CARMIL1: variants seen among roughly 807,000 people sequenced by gnomAD.
CARMIL1 encodes F-actin-uncapping protein LRRC16A.
CARMIL1 carries 90 observed loss-of-function variants against 177.1 expected under a neutral mutation model. The ratio of observed to expected loss-of-function variants is 0.51; its 90% CI spans 0.43 to 0.61. The LOEUF is 0.61. Among genes scored for constraint, CARMIL1 ranks in the 20% least tolerant of loss-of-function variants. CARMIL1 has a pLI of 0.00. For missense variants in CARMIL1, 1,380 were observed against 1,667.0 expected (o/e 0.83, Z 3.00); for synonymous variants, 577 against 606.2 (o/e 0.95, Z 0.71).
intron 2 of CARMIL1, among the ~76,000 whole-genome samples, chr6:25,296,109 G>A (rs1256723088): frequency 6.6e-6 from 1 of 152,194 alleles, no homozygotes; most frequent in Admixed American, 6.5e-5. Context: ...TTTCTTCCCA[G>A]ACAGTTCTGA....
intron 29 of CARMIL1, among the ~76,000 whole-genome samples, chr6:25,570,394 G>A (rs1020295745): frequency 2.0e-5 from 3 of 152,150 alleles, no homozygotes; most frequent in African/African-American, 7.2e-5. Flanking sequence ...TGAAATCAGT[G>A]CCAGAGAATT....
At chr6:25,320,825 G>T (rs1442743104) in intron 2 of CARMIL1, among the ~76,000 whole-genome samples, 1 of 152,124 alleles carries the variant, frequency 6.6e-6, no homozygotes, top group Non-Finnish European at 1.5e-5. Context: ...GCTTCCCTGG[G>T]CCACATTGTA....
intron 17 of CARMIL1, among the ~76,000 whole-genome samples, chr6:25,502,323 C>T (rs1804466842): frequency 6.6e-6 from 1 of 151,028 alleles, no homozygotes; most frequent in South Asian, 2.1e-4. Context: ...CTTTGGGAGG[C>T]CTAGGCGGGT....
chr6:25,478,994 G>GA (rs1412918255), intron 11 of CARMIL1: 1 of 436,596 alleles, frequency 2.3e-6, no homozygotes, highest in African/African-American at 2.0e-5. Flanking sequence ...AACTCTCCAG[G>GA]AAAGTTATAG....
At chr6:25,304,344 C>T (rs1234501767) in intron 2 of CARMIL1, among the ~76,000 whole-genome samples, 1 of 152,174 alleles carries the variant, frequency 6.6e-6, no homozygotes, top group Non-Finnish European at 1.5e-5. Flanking sequence ...ATTGCTTGCC[C>T]TCTTAACTAG....
At chr6:25,383,678 A>C (rs1006163775) in intron 2 of CARMIL1, 2 of 152,196 alleles carry the variant, frequency 1.3e-5, no homozygotes, top group African/African-American at 4.8e-5. Context: ...ATGACATGCA[A>C]ATTTGTGAAA....
intron 29 of CARMIL1, among the ~76,000 whole-genome samples, chr6:25,570,868 C>T (rs1490619148): frequency 6.6e-6 from 1 of 152,188 alleles, no homozygotes; most frequent in South Asian, 2.1e-4. Flanking sequence ...GCAGCTTTCT[C>T]AGAGTTATAA....
At chr6:25,593,506 TACTC>T (rs1312829952) in intron 31 of CARMIL1, among the ~76,000 whole-genome samples, 3 of 152,210 alleles carry the variant, frequency 2.0e-5, no homozygotes, top group Non-Finnish European at 2.9e-5. Flanking sequence ...TATTATGAAA[TACTC>T]AATACTGACT....
chr6:25,302,698 T>C (rs1782955225), intron 2 of CARMIL1, among the ~76,000 whole-genome samples: 1 of 152,208 alleles, frequency 6.6e-6, no homozygotes, highest in African/African-American at 2.4e-5. Context: ...TTGTTCACGA[T>C]GCAGGGATCA....
intron 2 of CARMIL1, among the ~76,000 whole-genome samples, chr6:25,364,092 T>G (rs986563717): frequency 3.3e-5 from 5 of 151,868 alleles, no homozygotes; most frequent in African/African-American, 1.2e-4. Flanking sequence ...ACCACAGGCA[T>G]GCACTACCAT....
At chr6:25,404,511 C>A (rs1316174878) in intron 2 of CARMIL1, among the ~76,000 whole-genome samples, 3 of 152,232 alleles carry the variant, frequency 2.0e-5, no homozygotes, top group East Asian at 3.9e-4. Flanking sequence ...AATCCCAGCA[C>A]TTTGGGAGGA....
At chr6:25,398,582 C>T (rs1793622102) in intron 2 of CARMIL1, among the ~76,000 whole-genome samples, 1 of 152,138 alleles carries the variant, frequency 6.6e-6, no homozygotes, top group Non-Finnish European at 1.5e-5. Flanking sequence ...ATGTGATAAT[C>T]ATATGCAGAC....
At chr6:25,384,977 C>T (rs934470389) in intron 2 of CARMIL1, among the ~76,000 whole-genome samples, 2 of 152,124 alleles carry the variant, frequency 1.3e-5, no homozygotes, top group Admixed American at 6.5e-5. Flanking sequence ...AAACATTTAT[C>T]GAGTACCTAT....
chr6:25,590,643 T>C (rs901233452), intron 31 of CARMIL1, among the ~76,000 whole-genome samples: 2 of 152,188 alleles, frequency 1.3e-5, no homozygotes, highest in Non-Finnish European at 2.9e-5. Flanking sequence ...TGTAGATATA[T>C]TACTAAGGAT....
intron 32 of CARMIL1, 81 bp downstream of exon 32, chr6:25,594,608 TAA>T: frequency 7.5e-6 from 6 of 797,774 alleles, no homozygotes; most frequent in Non-Finnish European, 1.2e-5. Flanking sequence ...CTTAGTATAC[TAA>T]GTTTCATTTT....
At chr6:25,572,166 C>A (rs758072123) in intron 29 of CARMIL1, among the ~76,000 whole-genome samples, 18 of 151,832 alleles carry the variant, frequency 1.2e-4, no homozygotes, top group Non-Finnish European at 2.9e-5. Context: ...TGTCAACAAC[C>A]TTTAAATGGT....
In CARMIL1 at chr6:25,528,900, G is replaced by C; in HGVS notation, c.2067+7G>C. 6.2e-7 allele frequency: 1 copy of C among 1,601,484 alleles called. No individual in the cohort carries two copies. The highest frequency in any genetic ancestry group is 8.5e-7 in the Non-Finnish European group (1 of 1,173,152). ...CACCAGCACCACCCAGCAGGTAAGCGAGCCAGTGCCTGTGACTTCTCCTTC... is the reference window on the plus strand; with the variant it reads ...CACCAGCACCACCCAGCAGGTAAGCCAGCCAGTGCCTGTGACTTCTCCTTC... On this transcript the variant is annotated splice_region_variant and intron_variant, in intron 24 of 36. Coordinates refer to ENST00000329474, the MANE Select transcript of CARMIL1 (RefSeq NM_017640.6).
At chr6:25,564,332 G>C (rs1241302846) in intron 29 of CARMIL1, among the ~76,000 whole-genome samples, 3 of 152,114 alleles carry the variant, frequency 2.0e-5, no homozygotes, top group Non-Finnish European at 2.9e-5. Context: ...ACCCTGGAGA[G>C]CCTCTTCTAA....
chr6:25,572,800 T>A (rs1283823409), intron 29 of CARMIL1, among the ~76,000 whole-genome samples: 1 of 144,114 alleles, frequency 6.9e-6, no homozygotes, highest in African/African-American at 2.6e-5. Flanking sequence ...ATAGAAAAAA[T>A]ACAGACACCA....
Sources: allele counts gnomAD v4.1 joint callset (sites outside exome capture counted in the v4.1 genomes callset), GRCh38; gene constraint gnomAD v4.1.1; transcripts MANE v1.5; gene names NCBI Gene and HGNC (gene_info 2026-07-23, HGNC 2026-07-21).